MFSD8: variants seen among roughly 807,000 people sequenced by gnomAD.
The protein encoded by MFSD8 is major facilitator superfamily domain-containing protein 8.
MFSD8 carries 55 observed loss-of-function variants against 66.4 expected under a neutral mutation model. The ratio of observed to expected loss-of-function variants is 0.83; its 90% confidence interval spans 0.67 to 1.04. The LOEUF is 1.04. Among genes scored for constraint, MFSD8 ranks in the 50% least tolerant of loss-of-function variants. MFSD8 has a pLI of 0.00. For synonymous variants in MFSD8, 202 were observed against 212.8 expected (o/e 0.95, Z 0.44); for missense variants, 550 against 627.6 (o/e 0.88, Z 1.32).
At chr4:127,942,216 T>A in intron 4 of MFSD8, 58 bp from the exon 5 acceptor site, 1 of 1,344,328 alleles carries the variant, frequency 7.4e-7, no homozygotes, top group Non-Finnish European at 1.1e-6. Context: ...GCTTATAAAA[T>A]TCAATCCAAT....
At chr4:127,924,093 T>C (rs1286278736) in intron 9 of MFSD8, among the ~76,000 whole-genome samples, 1 of 152,152 alleles carries the variant, frequency 6.6e-6, no homozygotes, top group Non-Finnish European at 1.5e-5. Flanking sequence ...GTACCTCCAG[T>C]AGAATTCGGC....
At chr4:127,953,726 G>T (rs1010901768) in intron 2 of MFSD8, among the ~76,000 whole-genome samples, 1 of 151,340 alleles carries the variant, frequency 6.6e-6, no homozygotes, top group African/African-American at 2.4e-5. Flanking sequence ...CTCGTGATCC[G>T]CCCGCCTCAG....
intron 1 of MFSD8, among the ~76,000 whole-genome samples, chr4:127,962,620 G>C (rs990165271): frequency 6.6e-6 from 1 of 151,236 alleles, no homozygotes; most frequent in Non-Finnish European, 1.5e-5. Flanking sequence ...AGATAAAACT[G>C]CACTCCAGGC....
chr4:127,936,183 G>A (rs532992254), intron 7 of MFSD8, among the ~76,000 whole-genome samples: 74 of 151,662 alleles, frequency 4.9e-4, no homozygotes, highest in Middle Eastern at 3.2e-3. Flanking sequence ...GCGTGATATC[G>A]GCTCACTGCA....
chr4:127,935,308 A>C (rs1323530365), intron 7 of MFSD8, among the ~76,000 whole-genome samples: 2 of 152,022 alleles, frequency 1.3e-5, no homozygotes, highest in East Asian at 3.9e-4. Flanking sequence ...GTCAGACTGG[A>C]GTTTGCTTCA....
At chr4:127,923,552 T>TTTATTTTTTA (rs1322039631) in intron 9 of MFSD8, among the ~76,000 whole-genome samples, 1 of 130,578 alleles carries the variant, frequency 7.7e-6, no homozygotes, top group African/African-American at 2.9e-5. Context: ...TTTATTTTTA[T>TTTATTTTTTA]TTATTATTAT....
At chr4:127,933,202 A>C (rs765069118) in intron 7 of MFSD8, 109 bp from the exon 8 acceptor site, 10 of 911,546 alleles carry the variant, frequency 1.1e-5, no homozygotes, top group Non-Finnish European at 1.7e-5. Context: ...TAAACATTTA[A>C]AAAAATTTTT....
At chr4:127,922,093 A>C in intron 9 of MFSD8, 130 bp from the exon 10 acceptor site, 1 of 963,976 alleles carries the variant, frequency 1.0e-6, no homozygotes, top group Non-Finnish European at 1.6e-6. Context: ...AAGAATGCTA[A>C]ATATAATTTT....
At chr4:127,922,174 C>T (rs766585671) in intron 9 of MFSD8, among the ~76,000 whole-genome samples, 4 of 152,094 alleles carry the variant, frequency 2.6e-5, no homozygotes, top group Non-Finnish European at 5.9e-5. Flanking sequence ...AGTAGATGAG[C>T]TCAGATCTTT....
chr4:127,933,436 G>A, intron 7 of MFSD8: 2 of 213,596 alleles, frequency 9.4e-6, no homozygotes, highest in Non-Finnish European at 1.9e-5. Flanking sequence ...TAGAGATGAG[G>A]TTTCATCATG....
chr4:127,949,661 G>A, intron 3 of MFSD8, 143 bp downstream of exon 3: 1 of 691,134 alleles, frequency 1.4e-6, no homozygotes, highest in East Asian at 2.7e-5. Context: ...TTACTTATAA[G>A]CCTCTTTTAA....
chr4:127,964,311 G>A (rs1744529482), intron 1 of MFSD8, among the ~76,000 whole-genome samples: 1 of 152,240 alleles, frequency 6.6e-6, no homozygotes, highest in African/African-American at 2.4e-5. Context: ...GGGAGGCTCG[G>A]GCCGCACAGG....
intron 2 of MFSD8, among the ~76,000 whole-genome samples, chr4:127,956,397 G>A (rs1742871805): frequency 6.6e-6 from 1 of 151,424 alleles, no homozygotes; most frequent in African/African-American, 2.4e-5. Context: ...CTACTCGGGA[G>A]GCTGAGGCAG....
At chr4:127,961,820 C>CAAAAAAA (rs4000711) in intron 1 of MFSD8, among the ~76,000 whole-genome samples, 16 of 80,548 alleles carry the variant, frequency 2.0e-4, no homozygotes, top group African/African-American at 6.9e-4. Context: ...GACTCCGTCT[C>CAAAAAAA]AAAAAAAAAA....
intron 2 of MFSD8, among the ~76,000 whole-genome samples, chr4:127,954,290 CA>C (rs1367132997): frequency 6.6e-6 from 1 of 151,766 alleles, no homozygotes; most frequent in Non-Finnish European, 1.5e-5. Flanking sequence ...TATGTTTTAT[CA>C]ATATAAAAAT....
intron 2 of MFSD8, among the ~76,000 whole-genome samples, chr4:127,956,902 G>A (rs1742990524): frequency 6.6e-6 from 1 of 150,470 alleles, no homozygotes; most frequent in Non-Finnish European, 1.5e-5. Context: ...AGTTTCGTTT[G>A]TATGTACATT....
intron 2 of MFSD8, among the ~76,000 whole-genome samples, chr4:127,952,408 A>T (rs531303066): frequency 5.2e-4 from 79 of 152,200 alleles, no homozygotes; most frequent in African/African-American, 1.7e-3. Flanking sequence ...TGTCTCAAAA[A>T]AAATAAATAA....
rs201905099 is a variant in MFSD8, at chr4:127,943,849, G to A, written c.342C>T (p.Ser114=). 3.9e-5 allele frequency: 63 copies of A among 1,614,100 alleles called. No individual in the cohort carries two copies. The highest frequency in any genetic ancestry group is 8.0e-5 in the African/African-American group (6 of 75,014). The change falls in exon 4 of 12, where the codon TCC becomes TCT. Residue 114 remains serine (S), a synonymous_variant. Coordinates refer to ENST00000641686, the MANE Select transcript of MFSD8 (RefSeq NM_001371596.2). ...ATGCATAGAGGCAGTTGGCTGCCAC[G>A]GAAATCAAGATGGAGACAATAAGAG... The part of the protein sequence containing the change: ...KEPLIVSILI[S]VAANCLYAYL...
In MFSD8 at chr4:127,920,620, C is replaced by G; in HGVS notation, c.*10G>C. 1 of 1,613,710 alleles carries G rather than the reference C, an allele frequency of 6.2e-7. No homozygotes were observed. On this transcript the variant is annotated 3_prime_UTR_variant, in exon 12 of 12. Coordinates refer to ENST00000641686, the MANE Select transcript of MFSD8 (RefSeq NM_001371596.2). ...CACAGCAAGTAGTTTCCATCACAGT[C>G]TTAGCTAGTTTATTCCTGAATCCTC...
Sources: gnomAD v4.1 joint callset for allele counts (sites outside exome capture counted in the v4.1 genomes callset) on GRCh38, gnomAD v4.1.1 for gene constraint, MANE v1.5 for transcripts, NCBI Gene and HGNC (gene_info 2026-07-23, HGNC 2026-07-21) for gene names.